Variants in ARHGAP19 observed in about 807,000 individuals in gnomAD.
ARHGAP19 encodes the protein Rho GTPase activating protein 19.
A neutral mutation model predicts 60.9 loss-of-function variants in ARHGAP19; 48 were observed. The observed-to-expected ratio is 0.79, with a 90% CI of 0.62 to 1.00. The LOEUF (loss-of-function observed/expected upper bound fraction) is 1.00, where lower values mean the gene tolerates loss of function less well. Among genes scored for constraint, ARHGAP19 ranks in the 50% least tolerant of loss-of-function variants. ARHGAP19 has a pLI of 0.00. For missense variants in ARHGAP19, 562 were observed against 597.2 expected (o/e 0.94, Z 0.61); for synonymous variants, 209 against 215.5 (o/e 0.97, Z 0.27).
chr10:97,257,559 GC>G, intron 5 of ARHGAP19, among the ~76,000 whole-genome samples: 1 of 152,130 alleles, frequency 6.6e-6, no homozygotes, highest in East Asian at 1.9e-4. Context: ...TCCTACCTCA[GC>G]CTCCCAAAGT....
At chr10:97,256,562 T>C (rs1842755145) in intron 5 of ARHGAP19, 158 bp from the exon 6 acceptor site, 2 of 562,924 alleles carry the variant, frequency 3.6e-6, no homozygotes, top group South Asian at 4.8e-5. Flanking sequence ...TTCATCAGGA[T>C]ATGACATAAT....
At chr10:97,274,528 C>G (rs2244070) in intron 1 of ARHGAP19, among the ~76,000 whole-genome samples, 136,731 of 151,988 alleles carry the variant, frequency 0.9, 62,113 homozygotes, top group Non-Finnish European at 0.97. Context: ...CTGAGCTATG[C>G]GAAAAGGGGA....
Position 97,263,483 on chromosome 10 carries a change from G to A in ARHGAP19, c.550C>T (p.Leu184=), listed in dbSNP as rs748010757. The change falls in exon 4 of 12, where the codon CTA becomes TTA. Residue 184 remains leucine (L), a synonymous_variant. Transcript: ENST00000358531. ...AGCAGAGGCTCCGGCAACTCTCCTA[G>A]AAACATCTTCAGCAAAGTGGCAACA... is the stretch of plus-strand genomic sequence containing the variant. The part of the protein sequence containing the change: ...NDVATLLKMF[L]GELPEPLLTH... 7 of 1,614,118 alleles carry A rather than the reference G, an allele frequency of 4.3e-6. No individual in the cohort carries two copies. In the South Asian group the frequency reaches 6.6e-5, roughly 15 times the overall value.
At chr10:97,281,638 T>A (rs929315453) in intron 1 of ARHGAP19, among the ~76,000 whole-genome samples, 1 of 152,158 alleles carries the variant, frequency 6.6e-6, no homozygotes, top group African/African-American at 2.4e-5. Context: ...AAAACTAAGG[T>A]AAGTCTCTGG....
Position 97,225,421 on chromosome 10 carries a change from AAAT to A in ARHGAP19, c.*698_*700del, listed in dbSNP as rs1850877979. The A allele has an allele frequency of 6.6e-6, 1 of 152,244 alleles. No homozygotes were observed. The highest frequency in any genetic ancestry group is 2.4e-5 in the African/African-American group (1 of 41,466). 9.4% of individuals were successfully genotyped at this position (152,244 alleles called of 1,614,324 possible). On this transcript the variant is annotated 3_prime_UTR_variant, in exon 12 of 12. Coordinates refer to ENST00000358531, the MANE Select transcript of ARHGAP19 (RefSeq NM_032900.6). ...AGAGTTTAATAATTAAGATTTGTTA[AAAT>A]ACTGTATCATTCTGAATTCTCCTTT...
chr10:97,285,328 C>T (rs557440128), intron 1 of ARHGAP19, among the ~76,000 whole-genome samples: 20 of 151,726 alleles, frequency 1.3e-4, no homozygotes, highest in Admixed American at 6.6e-5. Context: ...TTTTTTAAAA[C>T]AAATTTATTT....
chr10:97,234,015 C>T (rs890477485), intron 9 of ARHGAP19, among the ~76,000 whole-genome samples: 2 of 151,908 alleles, frequency 1.3e-5, no homozygotes, highest in Non-Finnish European at 2.9e-5. Context: ...GCCTGTAATC[C>T]CAGCAATTTG....
Position 97,248,352 on chromosome 10 carries a change from T to A in ARHGAP19, c.928-2015A>T, listed in dbSNP as rs1253683378. ...TCGACTGGTCCCAGGAGGCAGAGGC[T>A]GCTGTGAGCCCAGATCGTGCTACTG... On this transcript the variant is annotated intron_variant, in intron 6 of 11. Transcript: ENST00000358531. Among the ~76,000 whole-genome samples, 3 of 151,932 alleles carry A rather than the reference T, an allele frequency of 2.0e-5. No homozygotes were observed. The South Asian group carries it at 6.3e-4, about 32-fold the overall frequency.
chr10:97,274,323 G>A (rs139064099), intron 1 of ARHGAP19, among the ~76,000 whole-genome samples: 4,175 of 152,094 alleles, frequency 0.027, 179 homozygotes, highest in African/African-American at 0.091. Flanking sequence ...AAATTAGCAG[G>A]GCATGGTGGC....
At chr10:97,258,740 C>A (rs190921996) in intron 5 of ARHGAP19, 30 of 152,192 alleles carry the variant, frequency 2.0e-4, no homozygotes, top group Non-Finnish European at 3.1e-4. Flanking sequence ...CCAGCGTGGG[C>A]AACAAAACGA....
intron 9 of ARHGAP19, among the ~76,000 whole-genome samples, chr10:97,231,978 TG>T (rs1330995088): frequency 6.8e-4 from 98 of 144,296 alleles, no homozygotes; most frequent in Middle Eastern, 7.0e-3. Context: ...TATTTTCCGT[TG>T]TTTTTTTTTT....
intron 9 of ARHGAP19, 120 bp from the exon 10 acceptor site, chr10:97,229,994 C>G: frequency 1.4e-6 from 1 of 706,730 alleles, no homozygotes; most frequent in Non-Finnish European, 2.3e-6. Context: ...TCTGATAATC[C>G]TGTATGGACC....
intron 9 of ARHGAP19, among the ~76,000 whole-genome samples, chr10:97,233,433 G>T (rs895307461): frequency 6.6e-6 from 1 of 152,124 alleles, no homozygotes; most frequent in African/African-American, 2.4e-5. Context: ...AGCTCCCTGT[G>T]TTGCTGGAAT....
chr10:97,256,482 A>G (rs1312250082), intron 5 of ARHGAP19, 78 bp from the exon 6 acceptor site: 1 of 1,060,588 alleles, frequency 9.4e-7, no homozygotes, highest in African/African-American at 1.6e-5. Context: ...TGTTCTTTCA[A>G]ATGTATGAAG....
intron 6 of ARHGAP19, among the ~76,000 whole-genome samples, chr10:97,254,193 G>A (rs1464153204): frequency 1.3e-5 from 2 of 151,992 alleles, no homozygotes; most frequent in African/African-American, 2.4e-5. Flanking sequence ...AAATTCATAC[G>A]GAATCTCAAG....
At chr10:97,259,332 A>AT in intron 5 of ARHGAP19, 70 bp downstream of exon 5, 1 of 1,203,730 alleles carries the variant, frequency 8.3e-7, no homozygotes, top group Non-Finnish European at 1.2e-6. Context: ...AATCTCACCA[A>AT]TGTACAGCCA....
chr10:97,240,122 AG>A lies in ARHGAP19; in HGVS notation c.1185+3845del, dbSNP rs781531122. Among the ~76,000 whole-genome samples, 626 of 148,748 alleles carry A rather than the reference AG, an allele frequency of 4.2e-3. 4 individuals are homozygous for A. Among genetic ancestry groups the A allele is most frequent in the African/African-American group, 9.6e-3 (391 of 40,838 alleles). On this transcript the variant is annotated intron_variant, in intron 8 of 11. Coordinates refer to ENST00000358531, the MANE Select transcript of ARHGAP19 (RefSeq NM_032900.6). Reference sequence around the variant, plus strand: ...ATTTAAGCAAACTGGCAATGTTTTAAGGGGGAAAAAAAAAAGAAGAAAGGGA... The same window carrying A: ...ATTTAAGCAAACTGGCAATGTTTTAAGGGGAAAAAAAAAAGAAGAAAGGGA...
At chr10:97,290,251 ACCCGCCGCTGACTCCCAT>A (rs775620165) in intron 1 of ARHGAP19, among the ~76,000 whole-genome samples, 1 of 150,582 alleles carries the variant, frequency 6.6e-6, no homozygotes, top group African/African-American at 2.4e-5. Flanking sequence ...GCTGTCGCAG[ACCCGCCGCTGACTCCCAT>A]CCCGCTGCTG....
chr10:97,290,253 C>T (rs529424906), intron 1 of ARHGAP19, among the ~76,000 whole-genome samples: 1 of 152,238 alleles, frequency 6.6e-6, no homozygotes, highest in Admixed American at 6.5e-5. Flanking sequence ...TGTCGCAGAC[C>T]CGCCGCTGAC....
Sources: allele counts gnomAD v4.1 joint callset (sites outside exome capture counted in the v4.1 genomes callset), GRCh38; gene constraint gnomAD v4.1.1; transcripts MANE v1.5; gene names NCBI Gene and HGNC (gene_info 2026-07-23, HGNC 2026-07-21).